The following MTMR11 variants were observed in gnomAD, a reference collection of about 807,000 sequenced individuals.
The protein encoded by MTMR11 is myotubularin-related protein 11.
In MTMR11, 89 loss-of-function variants were observed where a neutral mutation model predicts 100.0. That is an observed-to-expected ratio of 0.89 (90% CI 0.75 to 1.06). The LOEUF is 1.06. Among genes scored for constraint, MTMR11 ranks in the 50% least tolerant of loss-of-function variants. The probability of loss-of-function intolerance (pLI) is 0.00; values close to 1 mark genes in which losing one functional copy is unlikely to be tolerated. For missense variants in MTMR11, 809 were observed against 873.7 expected, an observed-to-expected ratio of 0.93 and a Z score of 0.93; for synonymous variants, 336 against 326.3, an observed-to-expected ratio of 1.03 and a Z score of -0.32.
rs1553766947 is a variant in MTMR11, at chr1:149,929,656, T to C, written c.1908A>G (p.Arg636=). 1 of 1,613,426 alleles carries C rather than the reference T, an allele frequency of 6.2e-7. No individual in the cohort carries two copies. The highest frequency in any genetic ancestry group is 1.1e-5 in the South Asian group (1 of 91,042). ...GYLGPQIRLW[R]RCYLRGRPEV... is the part of the protein sequence containing the mutation. ...CAGGCCTTCCCCTCAGGTAGCAGCG[T>C]CTCCAGAGCCTGATCTGGGGTCCCA... Residue 636 remains arginine (R), a synonymous_variant, in exon 16 of 17, where the codon AGA becomes AGG. Transcript: ENST00000439741.
chr1:149,929,260 C>T lies in MTMR11; in HGVS notation c.1999G>A (p.Glu667Lys). 6.2e-7 allele frequency: 1 copy of T among 1,614,094 alleles called. No homozygotes were observed. Among genetic ancestry groups the T allele is most frequent in the South Asian group, 1.1e-5 (1 of 91,086 alleles). ...GLQDELSHLQELLRKWTPRIS... is the reference protein window; with the variant it reads ...GLQDELSHLQKLLRKWTPRIS... ...CTTGGTGTCCATTTCCGTAATAACT[C>T]CTGAAGATGGGATAGCTCATCCTGG... is the stretch of plus-strand genomic sequence containing the variant. Residue 667 changes from glutamate to lysine, a missense_variant, in exon 17 of 17, where the codon GAG becomes AAG. By Grantham distance (56) the Glu-to-Lys change is moderately conservative. Coordinates refer to ENST00000439741, the MANE Select transcript of MTMR11 (RefSeq NM_001145862.2).
In MTMR11 at chr1:149,930,980, A is replaced by G. The variant is rs1210272166; in HGVS notation, c.1291-15T>C. On this transcript the variant is annotated splice_polypyrimidine_tract_variant and intron_variant, in intron 13 of 16. Transcript: ENST00000439741. Reference sequence around the variant, plus strand: ...AACACCGGAGCCTGAAAAGAAATTAAGAGGTTGGAAGGGATTATTGGGACC... The same window carrying G: ...AACACCGGAGCCTGAAAAGAAATTAGGAGGTTGGAAGGGATTATTGGGACC... 2.5e-6 allele frequency: 4 copies of G among 1,584,806 alleles called. No homozygotes were observed. The highest frequency in any genetic ancestry group is 4.5e-5 in the East Asian group (2 of 44,604).
chr1:149,936,535 C>A, intron 1 of MTMR11, 47 bp downstream of exon 1: 1 of 1,372,932 alleles, frequency 7.3e-7, no homozygotes, highest in South Asian at 1.2e-5. Context: ...CCACCTCATC[C>A]CCGTTCTCAC....
At position 149,935,148 on chromosome 1, in the gene MTMR11, A is replaced by C. The variant is rs1014504130; in HGVS notation, c.326-20T>G. 5.0e-6 allele frequency: 8 copies of C among 1,613,836 alleles called. No individual in the cohort carries two copies. The Admixed American group carries it at 8.3e-5, about 17-fold the overall frequency. On this transcript the variant is annotated intron_variant, in intron 4 of 16. Coordinates refer to ENST00000439741, the MANE Select transcript of MTMR11 (RefSeq NM_001145862.2). ...CGCTCACTGAAGTCAAGAGGTACAG[A>C]ACAGTGTAACCATGGACCAGAGTCT...
At position 149,930,408 on chromosome 1, in the gene MTMR11, T is replaced by C; in HGVS notation, c.1604A>G (p.Tyr535Cys). ...GGAATCTGGACAGTGTTCTGGGTCA[T>C]AGCCAGGATTCTGGAATTGTAGTAT... ...AQILQFQNPGYDPEHCPDSWL... is the reference protein window; with the variant it reads ...AQILQFQNPGCDPEHCPDSWL... Residue 535 changes from tyrosine to cysteine, a missense_variant, in exon 15 of 17, where the codon TAT (tyrosine) becomes TGT (cysteine). Transcript: ENST00000439741. The C allele has an allele frequency of 6.2e-7, 1 of 1,614,032 alleles. No individual in the cohort carries two copies. Among genetic ancestry groups the C allele is most frequent in the Non-Finnish European group, 8.5e-7 (1 of 1,179,894 alleles).
chr1:149,936,434 A>G, intron 1 of MTMR11, 148 bp downstream of exon 1: 1 of 1,404,440 alleles, frequency 7.1e-7, no homozygotes, highest in Non-Finnish European at 9.5e-7. Flanking sequence ...CTTGAGACTG[A>G]GAAAGACGGA....
chr1:149,934,707 C>A (rs2092702003), intron 5 of MTMR11, among the ~76,000 whole-genome samples, 181 bp from the exon 6 acceptor site: 1 of 152,176 alleles, frequency 6.6e-6, no homozygotes, highest in African/African-American at 2.4e-5. Context: ...AAATCTGGAA[C>A]CACAGAATCC....
At position 149,933,914 on chromosome 1, in the gene MTMR11, G is replaced by C; in HGVS notation, c.712C>G (p.Arg238Gly). 6.2e-7 allele frequency: 1 copy of C among 1,614,204 alleles called. No homozygotes were observed. The highest frequency in any genetic ancestry group is 8.5e-7 in the Non-Finnish European group (1 of 1,180,020). The part of the protein sequence containing the change: ...SLPRYFWVPN[R>G]ILDSEVRRAF... ...CTCCTGACCTCACTGTCCAGAATTC[G>C]GTTAGGGACCCAGAAGTAACGGGGG... The change falls in exon 8 of 17, where the codon CGA (arginine) becomes GGA (glycine). Residue 238 changes from arginine (R) to glycine (G), a missense_variant. Coordinates refer to ENST00000439741, the MANE Select transcript of MTMR11 (RefSeq NM_001145862.2).
rs1194855552 is a variant in MTMR11, at chr1:149,933,442, G to C, written c.949C>G (p.Leu317Val). The change falls in exon 10 of 17, where the codon CTT becomes GTT. Residue 317 changes from leucine to valine, a missense_variant. Physicochemically the swap from Leu to Val is conservative, Grantham distance 32. Transcript: ENST00000439741. ...DELPSLADVQLAHLRLRALCL... is the reference protein window; with the variant it reads ...DELPSLADVQVAHLRLRALCL... ...AGGGCCCTCAGCCTCAGGTGGGCAA[G>C]TTGGACATCTGCAAGGCTGGGCAGC... 1.2e-6 allele frequency: 2 copies of C among 1,614,172 alleles called. No individual in the cohort carries two copies. Among genetic ancestry groups the C allele is most frequent in the Middle Eastern group, 1.6e-4 (1 of 6,062 alleles).
chr1:149,928,762 G>T lies in MTMR11; in HGVS notation c.*367C>A. On this transcript the variant is annotated 3_prime_UTR_variant, in exon 17 of 17. Coordinates refer to ENST00000439741, the MANE Select transcript of MTMR11 (RefSeq NM_001145862.2). ...GCCTCATTCCCATAGAAAACTATAA[G>T]GGAAGAAATAGAACTTGGAATTAAA... 1 of 1,126,656 alleles carries T rather than the reference G, an allele frequency of 8.9e-7. No individual in the cohort carries two copies. 69.8% of individuals were successfully genotyped at this position (1,126,656 alleles called of 1,614,324 possible).
intron 4 of MTMR11, 57 bp from the exon 5 acceptor site, chr1:149,935,185 A>ACT: frequency 6.2e-7 from 1 of 1,610,380 alleles, no homozygotes; most frequent in Non-Finnish European, 8.5e-7. Context: ...TCCAGAAGGG[A>ACT]CTCTTGCAGC....
chr1:149,935,220 T>C, intron 4 of MTMR11, 79 bp downstream of exon 4: 17 of 1,607,174 alleles, frequency 1.1e-5, no homozygotes, highest in Non-Finnish European at 1.4e-5. Flanking sequence ...CCCTGCTGTT[T>C]TCTGAGAACA....
At chr1:149,935,490 G>A in intron 3 of MTMR11, 94 bp downstream of exon 3, 3 of 1,579,576 alleles carry the variant, frequency 1.9e-6, no homozygotes, top group Non-Finnish European at 2.6e-6. Flanking sequence ...ACATTCAAAA[G>A]ACAGCCCTTA....
chr1:149,932,275 C>T lies in MTMR11; in HGVS notation c.1041G>A (p.Leu347=), dbSNP rs2092669846. The stretch of plus-strand genomic sequence containing the variant: ...AAGCGAGGGAGTACCTGACATAGTC[C>T]AGCCATCGTGTTCCTTCCAGGGCTG... ...WLSALEGTRW[L]DYVRACLRKA... The change falls in exon 11 of 17, where the codon CTG becomes CTA. Residue 347 remains leucine (L), a synonymous_variant. Coordinates refer to ENST00000439741, the MANE Select transcript of MTMR11 (RefSeq NM_001145862.2). 6.2e-7 allele frequency: 1 copy of T among 1,613,716 alleles called. No homozygotes were observed. Among genetic ancestry groups the T allele is most frequent in the Admixed American group, 1.7e-5 (1 of 60,014 alleles).
At position 149,929,207 on chromosome 1, in the gene MTMR11, T is replaced by G; in HGVS notation, c.2052A>C (p.Lys684Asn). 6.2e-7 allele frequency: 1 copy of G among 1,614,012 alleles called. No individual in the cohort carries two copies. The highest frequency in any genetic ancestry group is 2.2e-5 in the East Asian group (1 of 44,880). The change falls in exon 17 of 17, where the codon AAA (lysine) becomes AAC (asparagine). Residue 684 changes from lysine (K) to asparagine (N), a missense_variant. Physicochemically the swap from Lys to Asn is moderately conservative, Grantham distance 94. Transcript: ENST00000439741. Reference sequence around the variant, plus strand: ...GATTGAGAATGGTATGTGGATCTCTTTTCTTGGAGTGATCCTCAGGAGATA... The same window carrying G: ...GATTGAGAATGGTATGTGGATCTCTGTTCTTGGAGTGATCCTCAGGAGATA... ...PRISPEDHSKKRDPHTILNPT... is the reference protein window; with the variant it reads ...PRISPEDHSKNRDPHTILNPT...
intron 13 of MTMR11, 100 bp downstream of exon 13, chr1:149,931,160 C>G: frequency 6.5e-7 from 1 of 1,531,904 alleles, no homozygotes; most frequent in Non-Finnish European, 8.9e-7. Flanking sequence ...CCTCGGGGCC[C>G]TTCTGACCGG....
intron 14 of MTMR11, 110 bp downstream of exon 14, chr1:149,930,682 C>T: frequency 7.4e-7 from 1 of 1,358,620 alleles, no homozygotes; most frequent in Non-Finnish European, 1.0e-6. Flanking sequence ...GAATAAATCT[C>T]CCCCTCCCCA....
Position 149,928,806 on chromosome 1 carries a change from G to A in MTMR11, c.*323C>T. ...AATTAAAGCAGCAGCAAGGCGAGGT[G>A]AGAATGCGATTTCTAGGCCATCTTG... On this transcript the variant is annotated 3_prime_UTR_variant, in exon 17 of 17. Transcript: ENST00000439741. The A allele has an allele frequency of 6.7e-7, 1 of 1,488,598 alleles. No individual in the cohort carries two copies. The highest frequency in any genetic ancestry group is 1.7e-5 in the Admixed American group (1 of 59,354). The allele number at this position is 1,488,598 out of a possible 1,614,324, so 92.2% of individuals were successfully genotyped here.
intron 3 of MTMR11, 109 bp downstream of exon 3, chr1:149,935,475 A>G (rs1437842993): frequency 1.9e-6 from 3 of 1,575,198 alleles, no homozygotes; most frequent in Admixed American, 1.7e-5. Context: ...CTGATTATCA[A>G]TGATACATTC....
Sources: allele counts gnomAD v4.1 joint callset (sites outside exome capture counted in the v4.1 genomes callset), GRCh38; gene constraint gnomAD v4.1.1; transcripts MANE v1.5; gene names NCBI Gene and HGNC (gene_info 2026-07-23, HGNC 2026-07-21).